The following ESRRG variants were observed in gnomAD, a reference collection of about 807,000 sequenced individuals.
ESRRG encodes the protein estrogen related receptor gamma.
Under a neutral mutation model 44.0 loss-of-function variants are expected in ESRRG, and 13 were observed. That is an observed-to-expected ratio of 0.30 (90% CI 0.19 to 0.47). The LOEUF is 0.47. Among genes scored for constraint, ESRRG ranks in the 20% least tolerant of loss-of-function variants. The pLI, the probability that ESRRG is intolerant of heterozygous loss-of-function variation, is 1.00. For synonymous variants in ESRRG, 215 were observed against 214.6 expected, an observed-to-expected ratio of 1.00 and a Z score of -0.02; for missense variants, 395 against 580.6, an observed-to-expected ratio of 0.68 and a Z score of 3.29.
chr1:217,132,078 G>A (rs1041008969), intron 1 of ESRRG, among the ~76,000 whole-genome samples: 5 of 152,138 alleles, frequency 3.3e-5, no homozygotes, highest in Admixed American at 2.6e-4. Flanking sequence ...GGATCAGAGT[G>A]GAAAAGGAGG....
At chr1:216,618,364 A>G (rs2061705115) in intron 3 of ESRRG, among the ~76,000 whole-genome samples, 1 of 152,234 alleles carries the variant, frequency 6.6e-6, no homozygotes. Flanking sequence ...GATCTGACTA[A>G]GAATCAGGGG....
intron 1 of ESRRG, among the ~76,000 whole-genome samples, chr1:216,683,039 A>G (rs1396515914): frequency 6.6e-6 from 1 of 152,184 alleles, no homozygotes; most frequent in Non-Finnish European, 1.5e-5. Context: ...GCAACGTGTG[A>G]TTTGAGAAAA....
intron 1 of ESRRG, among the ~76,000 whole-genome samples, chr1:217,060,832 A>ATGAT: frequency 7.5e-6 from 1 of 133,200 alleles, no homozygotes; most frequent in Non-Finnish European, 1.6e-5. Context: ...AGATAGATAG[A>ATGAT]AAAAAGGGAA....
At chr1:216,990,984 T>C (rs1002744766) in intron 1 of ESRRG, among the ~76,000 whole-genome samples, 2 of 151,956 alleles carry the variant, frequency 1.3e-5, no homozygotes, top group Non-Finnish European at 2.9e-5. Flanking sequence ...GTTAGGAAAC[T>C]GGTTGCATAG....
chr1:216,565,549 C>T (rs2149562156), intron 4 of ESRRG, among the ~76,000 whole-genome samples: 1 of 152,242 alleles, frequency 6.6e-6, no homozygotes. Flanking sequence ...TTAAATATAG[C>T]ATTCATTTTA....
intron 1 of ESRRG, among the ~76,000 whole-genome samples, chr1:217,066,464 A>T (rs1461124565): frequency 6.6e-6 from 1 of 151,254 alleles, no homozygotes; most frequent in African/African-American, 2.4e-5. Flanking sequence ...GATGGTCTCG[A>T]TCTCCTGACC....
chr1:216,695,748 C>A (rs550614706), intron 1 of ESRRG, among the ~76,000 whole-genome samples: 9 of 152,212 alleles, frequency 5.9e-5, no homozygotes, highest in African/African-American at 2.2e-4. Context: ...ATGTTTATGG[C>A]ATTAGTTTAA....
chr1:216,532,238 C>T (rs987290022), intron 5 of ESRRG, among the ~76,000 whole-genome samples: 1 of 151,952 alleles, frequency 6.6e-6, no homozygotes, highest in African/African-American at 2.4e-5. Context: ...TCTAAATATA[C>T]CCAAGCAGCT....
chr1:216,665,070 G>A (rs993996380), intron 2 of ESRRG, among the ~76,000 whole-genome samples: 8 of 152,092 alleles, frequency 5.3e-5, no homozygotes, highest in South Asian at 2.1e-4. Context: ...CACTTTCAGC[G>A]GTTTCAATTA....
At chr1:216,663,077 T>C (rs1268701468) in intron 2 of ESRRG, among the ~76,000 whole-genome samples, 1 of 152,176 alleles carries the variant, frequency 6.6e-6, no homozygotes, top group Non-Finnish European at 1.5e-5. Flanking sequence ...TCTTTGTAAA[T>C]TGATAATAAC....
At chr1:216,836,108 A>AAG (rs1553638279) in intron 2 of ESRRG, among the ~76,000 whole-genome samples, 6 of 151,766 alleles carry the variant, frequency 4.0e-5, no homozygotes, top group African/African-American at 1.4e-4. Flanking sequence ...AAAAAAAAAA[A>AAG]AAAGAAAGAA....
intron 1 of ESRRG, among the ~76,000 whole-genome samples, chr1:216,680,530 C>T (rs564443315): frequency 5.3e-5 from 8 of 152,320 alleles, no homozygotes; most frequent in East Asian, 1.9e-4. Flanking sequence ...CCACAGCCCA[C>T]GCATAAGTGG....
intron 1 of ESRRG, among the ~76,000 whole-genome samples, chr1:217,081,804 A>G (rs2091789106): frequency 6.6e-6 from 1 of 152,186 alleles, no homozygotes; most frequent in Admixed American, 6.5e-5. Flanking sequence ...AGAATTTATA[A>G]TACTATTTCT....
intron 1 of ESRRG, among the ~76,000 whole-genome samples, chr1:217,071,425 T>G (rs2090547979): frequency 6.6e-6 from 1 of 152,172 alleles, no homozygotes; most frequent in Admixed American, 6.5e-5. Flanking sequence ...GGGGCTCAAT[T>G]TTCTCATGTA....
At chr1:216,517,766 G>T (rs1230623955) in intron 6 of ESRRG, among the ~76,000 whole-genome samples, 1 of 151,820 alleles carries the variant, frequency 6.6e-6, no homozygotes, top group Non-Finnish European at 1.5e-5. Context: ...GATTCTTCAG[G>T]GTTCATAATA....
intron 4 of ESRRG, among the ~76,000 whole-genome samples, chr1:216,565,959 T>C (rs993147347): frequency 1.4e-5 from 2 of 142,800 alleles, no homozygotes; most frequent in Admixed American, 1.4e-4. Flanking sequence ...TAAAAATATA[T>C]CCGAAAGTAA....
chr1:216,948,576 G>T (rs960815275), intron 1 of ESRRG, among the ~76,000 whole-genome samples: 1 of 151,054 alleles, frequency 6.6e-6, no homozygotes, highest in Non-Finnish European at 1.5e-5. Flanking sequence ...AATATTTCCA[G>T]ATTATCTACT....
At chr1:216,715,227 G>T in intron 1 of ESRRG, 1 of 985,328 alleles carries the variant, frequency 1.0e-6, no homozygotes, top group Non-Finnish European at 1.2e-6. Context: ...TCCCATGACT[G>T]ATGAGGCAGG....
intron 2 of ESRRG, among the ~76,000 whole-genome samples, chr1:216,835,274 A>T (rs1411208308): frequency 1.3e-5 from 2 of 152,206 alleles, no homozygotes; most frequent in African/African-American, 4.8e-5. Flanking sequence ...ATCATAGCAG[A>T]TTCAGAGACA....
Sources: allele counts gnomAD v4.1 joint callset (sites outside exome capture counted in the v4.1 genomes callset), GRCh38; gene constraint gnomAD v4.1.1; transcripts MANE v1.5; gene names NCBI Gene and HGNC (gene_info 2026-07-23, HGNC 2026-07-21).